Variants in SGCZ observed in about 807,000 individuals in gnomAD.
SGCZ encodes zeta-sarcoglycan.
SGCZ carries 40 observed loss-of-function variants against 41.3 expected under a neutral mutation model. That is an observed-to-expected ratio of 0.97 (90% CI 0.75 to 1.26). The LOEUF is 1.26. Among genes scored for constraint, SGCZ ranks in the 50% most tolerant of loss-of-function variants. SGCZ has a pLI of 0.00. For synonymous variants in SGCZ, 206 were observed against 137.5 expected, an observed-to-expected ratio of 1.50 and a Z score of -3.49; for missense variants, 552 against 369.8, an observed-to-expected ratio of 1.49 and a Z score of -4.04.
intron 1 of SGCZ, among the ~76,000 whole-genome samples, chr8:15,019,252 G>A (rs1214380475): frequency 6.6e-6 from 1 of 152,196 alleles, no homozygotes; most frequent in Non-Finnish European, 1.5e-5. Flanking sequence ...AGGTCAGCAA[G>A]GGGCTATGGT....
chr8:14,404,255 CA>C (rs1162508744), intron 2 of SGCZ, among the ~76,000 whole-genome samples: 4 of 152,158 alleles, frequency 2.6e-5, no homozygotes, highest in African/African-American at 9.6e-5. Flanking sequence ...TGCCAGTGTT[CA>C]TTTTAAAACT....
chr8:14,127,986 T>A (rs914579985), intron 5 of SGCZ, among the ~76,000 whole-genome samples: 1 of 152,186 alleles, frequency 6.6e-6, no homozygotes, highest in African/African-American at 2.4e-5. Flanking sequence ...TAAGTTCTTA[T>A]CATTTAGCTC....
chr8:14,581,478 G>A (rs1435529100), intron 1 of SGCZ, among the ~76,000 whole-genome samples: 1 of 150,872 alleles, frequency 6.6e-6, no homozygotes, highest in Non-Finnish European at 1.5e-5. Flanking sequence ...AGTGCTCAAT[G>A]TGCATTATTA....
chr8:14,105,887 C>T (rs1382149), intron 6 of SGCZ, among the ~76,000 whole-genome samples: 37,082 of 151,674 alleles, frequency 0.24, 5,535 homozygotes, highest in East Asian at 0.67. Context: ...ATATAGTTAC[C>T]AAAACGTTAG....
intron 2 of SGCZ, among the ~76,000 whole-genome samples, chr8:14,538,812 G>T (rs1803372629): frequency 6.6e-6 from 1 of 151,820 alleles, no homozygotes; most frequent in African/African-American, 2.4e-5. Context: ...GTTAGGCAAT[G>T]AAGAGTCTTA....
At chr8:15,003,955 A>G (rs967256979) in intron 1 of SGCZ, among the ~76,000 whole-genome samples, 2 of 152,132 alleles carry the variant, frequency 1.3e-5, no homozygotes, top group Non-Finnish European at 2.9e-5. Flanking sequence ...CTACCCTTCA[A>G]TGTGTTAGAG....
intron 3 of SGCZ, among the ~76,000 whole-genome samples, chr8:14,289,521 A>G (rs1483458115): frequency 2.0e-5 from 3 of 152,072 alleles, no homozygotes; most frequent in African/African-American, 7.2e-5. Flanking sequence ...TGTTGAAGAG[A>G]CTATGACTTT....
chr8:14,383,248 C>T (rs867224979), intron 2 of SGCZ, among the ~76,000 whole-genome samples: 2 of 152,102 alleles, frequency 1.3e-5, no homozygotes, highest in Non-Finnish European at 2.9e-5. Flanking sequence ...ATTAAAATGT[C>T]AAGAATACAA....
chr8:14,785,763 TG>T (rs1001983379), intron 1 of SGCZ, among the ~76,000 whole-genome samples: 4 of 152,198 alleles, frequency 2.6e-5, no homozygotes, highest in Non-Finnish European at 2.9e-5. Context: ...GGCTTTAACT[TG>T]TTACTCTTTT....
intron 1 of SGCZ, among the ~76,000 whole-genome samples, chr8:14,798,175 T>C (rs1173784837): frequency 2.0e-5 from 3 of 152,228 alleles, no homozygotes; most frequent in Non-Finnish European, 2.9e-5. Context: ...GAAAATGTTA[T>C]TATGTACAGA....
At chr8:14,440,862 C>G (rs1800239990) in intron 2 of SGCZ, among the ~76,000 whole-genome samples, 2 of 151,316 alleles carry the variant, frequency 1.3e-5, no homozygotes, top group Admixed American at 1.3e-4. Context: ...TACACACACA[C>G]ACACACACAC....
At chr8:14,116,671 G>T (rs976334919) in intron 5 of SGCZ, among the ~76,000 whole-genome samples, 1 of 151,954 alleles carries the variant, frequency 6.6e-6, no homozygotes, top group African/African-American at 2.4e-5. Context: ...GCTCAAGGTT[G>T]CTCCTTTGAT....
chr8:14,454,492 A>T (rs1800686494), intron 2 of SGCZ, among the ~76,000 whole-genome samples: 1 of 152,202 alleles, frequency 6.6e-6, no homozygotes, highest in Admixed American at 6.5e-5. Context: ...CATTTAATGA[A>T]TTAAGACCAA....
At chr8:14,884,448 T>A (rs747558986) in intron 1 of SGCZ, among the ~76,000 whole-genome samples, 4 of 151,968 alleles carry the variant, frequency 2.6e-5, no homozygotes, top group Non-Finnish European at 4.4e-5. Flanking sequence ...ATAAATAGAA[T>A]CCTCATTCTT....
At chr8:15,042,252 T>A (rs1055282381) in intron 1 of SGCZ, among the ~76,000 whole-genome samples, 1 of 152,160 alleles carries the variant, frequency 6.6e-6, no homozygotes, top group Non-Finnish European at 1.5e-5. Context: ...CACCAATGGA[T>A]CAGAAGAAAG....
chr8:14,625,432 T>A (rs1053092101), intron 1 of SGCZ, among the ~76,000 whole-genome samples: 1 of 152,214 alleles, frequency 6.6e-6, no homozygotes, highest in Non-Finnish European at 1.5e-5. Context: ...ATATATTTTA[T>A]GATACATTGT....
At chr8:15,053,639 T>C (rs1205954750) in intron 1 of SGCZ, among the ~76,000 whole-genome samples, 7 of 152,144 alleles carry the variant, frequency 4.6e-5, no homozygotes, top group Admixed American at 3.9e-4. Flanking sequence ...GGAGGTGATA[T>C]TGGTTTTACT....
chr8:14,396,322 G>A (rs775536860), intron 2 of SGCZ, among the ~76,000 whole-genome samples: 8 of 151,098 alleles, frequency 5.3e-5, no homozygotes, highest in Non-Finnish European at 1.2e-4. Context: ...TCCCTTTATT[G>A]TTCTAACTTC....
At chr8:14,157,368 G>A (rs1355505242) in intron 5 of SGCZ, among the ~76,000 whole-genome samples, 1 of 147,920 alleles carries the variant, frequency 6.8e-6, no homozygotes, top group Non-Finnish European at 1.5e-5. Flanking sequence ...GTGTGTGAGT[G>A]TGTGTGTGTG....
Sources: allele counts gnomAD v4.1 joint callset (sites outside exome capture counted in the v4.1 genomes callset), GRCh38; gene constraint gnomAD v4.1.1; transcripts MANE v1.5; gene names NCBI Gene and HGNC (gene_info 2026-07-23, HGNC 2026-07-21).